The following BSCL2 variants were observed in gnomAD, a reference collection of about 807,000 sequenced individuals.
BSCL2 encodes BSCL2 lipid droplet biogenesis associated, seipin.
In BSCL2, 41 loss-of-function variants were observed where a neutral mutation model predicts 57.4. The observed-to-expected ratio is 0.71, with a 90% CI of 0.56 to 0.93. The LOEUF is 0.93. Ranked by LOEUF, BSCL2 falls within the 40% of genes least tolerant of loss-of-function variation. The pLI is 0.00. For missense variants in BSCL2, 539 were observed against 586.7 expected, an observed-to-expected ratio of 0.92 and a Z score of 0.84; for synonymous variants, 237 against 227.3, an observed-to-expected ratio of 1.04 and a Z score of -0.38.
chr11:62,707,412 C>A lies in BSCL2; in HGVS notation c.-217G>T. ...AGGGGGGCGACTGCCCAGCTGATGT[C>A]AGATTTTCAAATGAGCAGGGTCCCC... On this transcript the variant is annotated 5_prime_UTR_variant, in exon 1 of 11. Transcript: ENST00000360796. 1.4e-6 allele frequency: 1 copy of A among 701,540 alleles called. No homozygotes were observed. The highest frequency in any genetic ancestry group is 1.5e-5 in the South Asian group (1 of 67,298). The allele number at this position is 701,540 out of a possible 1,614,324, so 43.5% of individuals were successfully genotyped here. A position where few individuals can be genotyped will look rare whatever the true frequency, so the allele number is the denominator to read the frequency against.
intron 3 of BSCL2, among the ~76,000 whole-genome samples, chr11:62,701,821 A>ACTG (rs1945648923): frequency 1.4e-5 from 2 of 143,998 alleles, no homozygotes; most frequent in Non-Finnish European, 3.0e-5. Context: ...ACAGAGTGAG[A>ACTG]CTGTCTGGAA....
At chr11:62,699,000 G>A (rs1026349820) in intron 3 of BSCL2, among the ~76,000 whole-genome samples, 1 of 152,098 alleles carries the variant, frequency 6.6e-6, no homozygotes, top group Admixed American at 6.6e-5. Flanking sequence ...CCGCCTCCTG[G>A]GTTCAAGTGA....
Position 62,691,301 on chromosome 11 carries a change from G to A in BSCL2, c.984C>T (p.Pro328=), listed in dbSNP as rs1350933194. 5.0e-6 allele frequency: 8 copies of A among 1,614,022 alleles called. No homozygotes were observed. The highest frequency in any genetic ancestry group is 5.9e-6 in the Non-Finnish European group (7 of 1,180,032). The part of the protein sequence containing the change: ...YMQWVWGGIW[P]RHRFSLQVNI... ...CGACCTGCAAAGAGAAGCGGTGTCG[G>A]GGCCAGATGCCCCCCCACACCCACT... The change falls in exon 7 of 11, where the codon CCC becomes CCT. Residue 328 remains proline, a synonymous_variant. Transcript: ENST00000360796.
At chr11:62,706,463 C>T (rs1020107584) in intron 1 of BSCL2, 31 of 407,934 alleles carry the variant, frequency 7.6e-5, no homozygotes, top group Middle Eastern at 9.2e-4. Context: ...CACTGGCTCT[C>T]TCTGCGGCAG....
intron 2 of BSCL2, among the ~76,000 whole-genome samples, chr11:62,704,628 T>C (rs1450756656): frequency 6.6e-6 from 1 of 151,690 alleles, no homozygotes; most frequent in African/African-American, 2.4e-5. Context: ...GGCACACACC[T>C]GTAATCCCAG....
At chr11:62,694,283 A>G (rs1274037814) in intron 4 of BSCL2, among the ~76,000 whole-genome samples, 3 of 136,900 alleles carry the variant, frequency 2.2e-5, no homozygotes, top group Non-Finnish European at 3.0e-5. Flanking sequence ...GGCTCACTGC[A>G]GACTCAACCT....
chr11:62,690,787 C>T lies in BSCL2; in HGVS notation c.1153G>A (p.Glu385Lys), dbSNP rs1458232816. 1.2e-6 allele frequency: 2 copies of T among 1,613,762 alleles called. No individual in the cohort carries two copies. The highest frequency in any genetic ancestry group is 2.2e-5 in the South Asian group (2 of 91,070). The stretch of plus-strand genomic sequence containing the variant: ...AGAGAGTGTGGTGGCTGCGCCATAC[C>T]TGTCCCTGAGGGATCTTCAGGGCTC... ...GESPEDPSGTEGQLSEEEKPD... is the reference protein window; with the variant it reads ...GESPEDPSGTKGQLSEEEKPD... Residue 385 changes from glutamate to lysine, a missense_variant and splice_region_variant, in exon 9 of 11, where the codon GAG (glutamate) becomes AAG (lysine). This residue lies in a region of BSCL2 where 248 missense variants were observed against 239.9 expected (regional missense o/e 1.03). Transcript: ENST00000360796.
chr11:62,703,527 A>G (rs1351206774), intron 2 of BSCL2, among the ~76,000 whole-genome samples: 1 of 149,750 alleles, frequency 6.7e-6, no homozygotes, highest in Non-Finnish European at 1.5e-5. Flanking sequence ...TAATTTTTTT[A>G]TTTTTAGTAG....
intron 4 of BSCL2, 78 bp downstream of exon 4, chr11:62,694,490 C>G: frequency 6.2e-7 from 1 of 1,604,948 alleles, no homozygotes; most frequent in South Asian, 1.1e-5. Flanking sequence ...TAGGCCTGAG[C>G]CACCACACCC....
intron 1 of BSCL2, chr11:62,706,647 G>A (rs1001126910): frequency 2.1e-6 from 1 of 474,398 alleles, no homozygotes; most frequent in Non-Finnish European, 4.4e-6. Context: ...CGAAGCGGCC[G>A]AGTGAGGCGG....
intron 3 of BSCL2, among the ~76,000 whole-genome samples, chr11:62,695,683 C>G (rs1183132125): frequency 2.1e-5 from 3 of 140,056 alleles, no homozygotes; most frequent in Non-Finnish European, 3.0e-5. Context: ...TGCACTGCAG[C>G]CTGGGCGACA....
intron 3 of BSCL2, among the ~76,000 whole-genome samples, chr11:62,696,461 T>C (rs1404848357): frequency 1.7e-5 from 2 of 120,136 alleles, no homozygotes; most frequent in East Asian, 2.5e-4. Flanking sequence ...TGCAACCACA[T>C]GCAACTAAAA....
chr11:62,693,148 T>C (rs1321076567), intron 4 of BSCL2, among the ~76,000 whole-genome samples: 3 of 152,144 alleles, frequency 2.0e-5, no homozygotes, highest in Non-Finnish European at 4.4e-5. Context: ...CCCCATCATG[T>C]AGACATCAGG....
At chr11:62,704,365 C>T (rs1945748571) in intron 2 of BSCL2, among the ~76,000 whole-genome samples, 1 of 87,400 alleles carries the variant, frequency 1.1e-5, no homozygotes, top group Non-Finnish European at 2.2e-5. Context: ...AACCCCATCT[C>T]TACTAAAAAA....
chr11:62,693,206 G>A (rs1424084331), intron 4 of BSCL2, among the ~76,000 whole-genome samples: 1 of 152,110 alleles, frequency 6.6e-6, no homozygotes, highest in Non-Finnish European at 1.5e-5. Context: ...GAAGAATGGA[G>A]TCTTAACATT....
intron 3 of BSCL2, among the ~76,000 whole-genome samples, chr11:62,702,072 C>CT (rs34474748): frequency 0.75 from 110,628 of 147,360 alleles, 41,504 homozygotes; most frequent in Admixed American, 0.83. Context: ...TCTTAGTCTC[C>CT]TTTTTTTTTT....
At position 62,692,390 on chromosome 11, in the gene BSCL2, G is replaced by A. The variant is rs911982128; in HGVS notation, c.849C>T (p.His283=). Residue 283 remains histidine, a synonymous_variant, in exon 6 of 11, where the codon CAC becomes CAT. Transcript: ENST00000360796. ...LYGAYLRIHA[H]FTGLRYLLYN... is the part of the protein sequence containing the mutation. ...TGGCCCCTCACCTGAGCCCAGTGAA[G>A]TGCGCGTGGATGCGGAGGTAGGCTC... 4 of 1,614,068 alleles carry A rather than the reference G, an allele frequency of 2.5e-6. No individual in the cohort carries two copies. Among genetic ancestry groups the A allele is most frequent in the East Asian group, 2.2e-5 (1 of 44,888 alleles).
chr11:62,694,195 CTTTTTTTTTTTTTT>C (rs71056545), intron 4 of BSCL2, among the ~76,000 whole-genome samples: 9 of 47,136 alleles, frequency 1.9e-4, no homozygotes, highest in Admixed American at 4.0e-4. Flanking sequence ...CCCAGACATT[CTTTTTTTTTTTTTT>C]TTTTTTTTTT....
upstream of BSCL2, chr11:62,707,451 G>A: frequency 1.4e-6 from 1 of 692,508 alleles, no homozygotes; most frequent in Non-Finnish European, 2.6e-6. Flanking sequence ...AGCCAGTACA[G>A]ACTCCACTGC....
Sources: allele counts gnomAD v4.1 joint callset (sites outside exome capture counted in the v4.1 genomes callset), GRCh38; gene constraint gnomAD v4.1.1; regional missense constraint gnomAD v4.1.1; transcripts MANE v1.5; gene names NCBI Gene and HGNC (gene_info 2026-07-23, HGNC 2026-07-21).